The following KCNE1 variants were observed in gnomAD, a reference collection of about 807,000 sequenced individuals.
The protein encoded by KCNE1 is potassium voltage-gated channel subfamily E regulatory subunit 1.
A neutral mutation model predicts 2.9 loss-of-function variants in KCNE1; 1 was observed. That is an observed-to-expected ratio of 0.34 (90% CI 0.12 to 1.62). The LOEUF is 1.62. KCNE1 is among the 40% of genes most tolerant of loss of function. KCNE1 has a pLI of 0.36. For missense variants in KCNE1, 45 were observed against 150.5 expected, an observed-to-expected ratio of 0.30 and a Z score of 3.67; for synonymous variants, 23 against 65.4, an observed-to-expected ratio of 0.35 and a Z score of 3.13.
At chr21:34,495,699 T>G (rs1297257598) in intron 2 of KCNE1, among the ~76,000 whole-genome samples, 1 of 151,802 alleles carries the variant, frequency 6.6e-6, no homozygotes, top group African/African-American at 2.4e-5. Flanking sequence ...TGATCTTTTG[T>G]ATTTCTGTGG....
chr21:34,495,986 G>T (rs1454076472), intron 2 of KCNE1, among the ~76,000 whole-genome samples: 2 of 151,872 alleles, frequency 1.3e-5, no homozygotes, highest in Non-Finnish European at 2.9e-5. Flanking sequence ...GTCTATTTGT[G>T]CTCTTTCAGA....
At chr21:34,509,494 C>CACCCAGGCTGGAGTGTAGTG (rs1316782868) in intron 2 of KCNE1, 1 of 151,754 alleles carries the variant, frequency 6.6e-6, no homozygotes, top group Non-Finnish European at 1.5e-5. Context: ...CTCGCTCTGT[C>CACCCAGGCTGGAGTGTAGTG]ACCCAGGCTG....
chr21:34,504,415 T>C (rs1983353105), intron 2 of KCNE1, among the ~76,000 whole-genome samples: 1 of 152,178 alleles, frequency 6.6e-6, no homozygotes, highest in South Asian at 2.1e-4. Context: ...TACAAAAGGC[T>C]GAGAACAAGT....
intron 2 of KCNE1, among the ~76,000 whole-genome samples, chr21:34,504,407 C>T (rs1255873316): frequency 6.6e-6 from 1 of 152,212 alleles, no homozygotes; most frequent in African/African-American, 2.4e-5. Flanking sequence ...GGCCAGAATA[C>T]AAAAGGCTGA....
At chr21:34,507,142 T>C (rs537313110) in intron 2 of KCNE1, among the ~76,000 whole-genome samples, 7 of 152,158 alleles carry the variant, frequency 4.6e-5, no homozygotes, top group Non-Finnish European at 1.0e-4. Context: ...GCTCTGACAG[T>C]AGCGTAGAGA....
chr21:34,502,544 T>C (rs1465180752), intron 2 of KCNE1, among the ~76,000 whole-genome samples: 2 of 152,244 alleles, frequency 1.3e-5, no homozygotes, highest in Non-Finnish European at 2.9e-5. Flanking sequence ...AGAGCCCTTG[T>C]CATTCCTAAT....
At chr21:34,499,222 G>A (rs1332843739) in intron 2 of KCNE1, among the ~76,000 whole-genome samples, 3 of 152,188 alleles carry the variant, frequency 2.0e-5, no homozygotes, top group East Asian at 3.9e-4. Context: ...TGGTGGGGCC[G>A]ATCTTGCTCC....
intron 2 of KCNE1, among the ~76,000 whole-genome samples, chr21:34,506,594 T>C (rs1983502659): frequency 6.6e-6 from 1 of 152,202 alleles, no homozygotes; most frequent in Admixed American, 6.5e-5. Context: ...GATCTGCAGC[T>C]ACAAAGAGTT....
intron 2 of KCNE1, among the ~76,000 whole-genome samples, chr21:34,502,300 CTG>C (rs942008475): frequency 1.3e-5 from 2 of 152,176 alleles, no homozygotes; most frequent in African/African-American, 2.4e-5. Context: ...GTATTTAGCA[CTG>C]TGTCAGGCAC....
At chr21:34,503,333 A>G (rs973167129) in intron 2 of KCNE1, among the ~76,000 whole-genome samples, 5 of 152,178 alleles carry the variant, frequency 3.3e-5, no homozygotes, top group African/African-American at 1.2e-4. Context: ...GCACAGGATG[A>G]GGTATGTGGG....
chr21:34,506,035 TA>T (rs1460355024), intron 2 of KCNE1, among the ~76,000 whole-genome samples: 2 of 152,260 alleles, frequency 1.3e-5, no homozygotes, highest in African/African-American at 4.8e-5. Context: ...AGGTGACTTG[TA>T]AAAGCGCTTG....
chr21:34,505,366 C>A lies in KCNE1; in HGVS notation c.-162+5735G>T, dbSNP rs112953491. 7.8e-3 allele frequency among the ~76,000 whole-genome samples: 1,191 copies of A among 152,072 alleles called. 20 individuals are homozygous for A. The highest frequency in any genetic ancestry group is 0.027 in the African/African-American group (1,125 of 41,476). ...GCCAGGCTGGTCTGGAACTCCTGAC[C>A]TCAGGTGATCCACTTGCCTCGGCCT... On this transcript the variant is annotated intron_variant, in intron 2 of 3. Coordinates refer to ENST00000399286, the MANE Select transcript of KCNE1 (RefSeq NM_000219.6).
rs1980854712 is a variant in KCNE1, at chr21:34,448,652, A to AC, written c.*592dup. 3.0e-5 allele frequency: 1 copy of AC among 33,756 alleles called. No individual in the cohort carries two copies. Among genetic ancestry groups the AC allele is most frequent in the African/African-American group, 1.1e-4 (1 of 8,962 alleles). The allele number at this position is 33,756 out of a possible 1,614,324, so 2.1% of individuals were successfully genotyped here. A position where few individuals can be genotyped will look rare whatever the true frequency, so the allele number is the denominator to read the frequency against. On this transcript the variant is annotated 3_prime_UTR_variant, in exon 4 of 4. Coordinates refer to ENST00000399286, the MANE Select transcript of KCNE1 (RefSeq NM_000219.6). ...TATCAGTAAGGGCATTGATTCTGCG[A>AC]CCTTAACAGAGATCAGAATAACAGT... is the stretch of plus-strand genomic sequence containing the variant.
rs1226092715 is a variant in KCNE1, at chr21:34,452,000, A to G, written c.-50-2316T>C. Among the ~76,000 whole-genome samples the G allele has an allele frequency of 3.5e-5, 2 of 57,538 alleles. 1 individual carries two copies. Among genetic ancestry groups the G allele is most frequent in the Non-Finnish European group, 6.5e-5 (2 of 30,794 alleles). 37.7% of individuals were successfully genotyped at this position (57,538 alleles called of 152,430 possible). The stretch of plus-strand genomic sequence containing the variant: ...TCTCACTGATGACTGCAATCTCATC[A>G]TGGCAGTTCCCATCTTGAAGGCCTT... On this transcript the variant is annotated intron_variant, in intron 3 of 3. Coordinates refer to ENST00000399286, the MANE Select transcript of KCNE1 (RefSeq NM_000219.6).
In KCNE1 at chr21:34,451,944, G is replaced by A. The variant is rs1299436154; in HGVS notation, c.-50-2260C>T. On this transcript the variant is annotated intron_variant, in intron 3 of 3. Transcript: ENST00000399286. ...GGCCCCTGCCTCATTGAGCTGAGTGGCAACACCACTCACTCCAAAATCTGC... is the reference window on the plus strand; with the variant it reads ...GGCCCCTGCCTCATTGAGCTGAGTGACAACACCACTCACTCCAAAATCTGC... Among the ~76,000 whole-genome samples the A allele has an allele frequency of 3.1e-5, 2 of 64,492 alleles. 1 individual carries two copies. Among genetic ancestry groups the A allele is most frequent in the Non-Finnish European group, 6.0e-5 (2 of 33,590 alleles). 42.3% of individuals were successfully genotyped at this position (64,492 alleles called of 152,430 possible).
chr21:34,507,159 G>C (rs544572307), intron 2 of KCNE1, among the ~76,000 whole-genome samples: 7 of 152,288 alleles, frequency 4.6e-5, no homozygotes, highest in African/African-American at 1.7e-4. Context: ...GAGAAGGAAT[G>C]GGGGAAGCTT....
chr21:34,504,367 A>G (rs999369087), intron 2 of KCNE1, among the ~76,000 whole-genome samples: 1 of 152,220 alleles, frequency 6.6e-6, no homozygotes, highest in Non-Finnish European at 1.5e-5. Context: ...TCCAAACCCC[A>G]ATAAGAAACC....
At chr21:34,505,422 A>G (rs1269721274) in intron 2 of KCNE1, among the ~76,000 whole-genome samples, 1 of 150,710 alleles carries the variant, frequency 6.6e-6, no homozygotes, top group Non-Finnish European at 1.5e-5. Flanking sequence ...GGCGCGAGCC[A>G]CCACGCCTGA....
At chr21:34,506,413 G>A (rs1983490099) in intron 2 of KCNE1, among the ~76,000 whole-genome samples, 1 of 152,278 alleles carries the variant, frequency 6.6e-6, no homozygotes, top group African/African-American at 2.4e-5. Flanking sequence ...CTGGCAGCAC[G>A]TGGGGAAAGC....
Sources: allele counts gnomAD v4.1 joint callset (sites outside exome capture counted in the v4.1 genomes callset), GRCh38; gene constraint gnomAD v4.1.1; transcripts MANE v1.5; gene names NCBI Gene and HGNC (gene_info 2026-07-23, HGNC 2026-07-21).